TRPM8: variants seen among roughly 807,000 people sequenced by gnomAD.
The protein encoded by TRPM8 is transient receptor potential cation channel subfamily M member 8.
TRPM8 carries 110 observed loss-of-function variants against 133.7 expected under a neutral mutation model. The ratio of observed to expected loss-of-function variants is 0.82; its 90% CI spans 0.70 to 0.96. The LOEUF (loss-of-function observed/expected upper bound fraction) is 0.96. Among genes scored for constraint, TRPM8 ranks in the 40% least tolerant of loss-of-function variants. The pLI is 0.00. For missense variants in TRPM8, 1,291 were observed against 1,379.5 expected (o/e 0.94, Z 1.02); for synonymous variants, 535 against 532.3 (o/e 1.01, Z -0.07).
At chr2:233,943,198 G>A (rs1171862395) in intron 6 of TRPM8, among the ~76,000 whole-genome samples, 1 of 150,236 alleles carries the variant, frequency 6.7e-6, no homozygotes, top group African/African-American at 2.5e-5. Flanking sequence ...CCATGTTGGT[G>A]TGCTGCACCC....
intron 24 of TRPM8, among the ~76,000 whole-genome samples, chr2:234,008,997 A>C (rs566345228): frequency 5.3e-5 from 8 of 152,356 alleles, no homozygotes; most frequent in African/African-American, 1.7e-4. Flanking sequence ...TAAGCAGCTG[A>C]AATGAGGGGC....
chr2:233,997,816 G>A (rs1692447718), intron 22 of TRPM8, among the ~76,000 whole-genome samples: 1 of 152,060 alleles, frequency 6.6e-6, no homozygotes, highest in Admixed American at 6.5e-5. Context: ...CTTACAAACT[G>A]GGGTGCAGGC....
chr2:233,993,521 G>C (rs897563910), intron 21 of TRPM8, among the ~76,000 whole-genome samples: 2 of 152,202 alleles, frequency 1.3e-5, no homozygotes, highest in Non-Finnish European at 2.9e-5. Flanking sequence ...GTACCCACCT[G>C]CACCTCCCTG....
chr2:234,011,079 C>T (rs919286621), intron 24 of TRPM8, among the ~76,000 whole-genome samples: 1 of 152,158 alleles, frequency 6.6e-6, no homozygotes, highest in Non-Finnish European at 1.5e-5. Flanking sequence ...TTCCCCTATG[C>T]TTTCTTCTGG....
chr2:233,973,253 A>G (rs1014644955), intron 17 of TRPM8, among the ~76,000 whole-genome samples: 1 of 152,244 alleles, frequency 6.6e-6, no homozygotes, highest in Non-Finnish European at 1.5e-5. Flanking sequence ...ATGAAGCACC[A>G]TAGACCTCAT....
At chr2:233,979,987 C>G in intron 17 of TRPM8, 2 of 584,828 alleles carry the variant, frequency 3.4e-6, no homozygotes. Context: ...AAGAGCAGAA[C>G]AGCCAGTGTG....
chr2:233,980,379 A>C (rs187333077), intron 18 of TRPM8, 100 bp downstream of exon 18: 1 of 717,422 alleles, frequency 1.4e-6, no homozygotes, highest in East Asian at 2.8e-5. Flanking sequence ...TCTATTACTC[A>C]TTAGAGATTA....
At chr2:233,944,908 C>A (rs1400865984) in intron 6 of TRPM8, among the ~76,000 whole-genome samples, 1 of 152,014 alleles carries the variant, frequency 6.6e-6, no homozygotes, top group Non-Finnish European at 1.5e-5. Flanking sequence ...TACTACTATT[C>A]CCCCCTCATT....
rs1383536188 is a variant in TRPM8 at position 233,964,682 on chromosome 2, G to C, written c.1804G>C (p.Ala602Pro). ...LGASKLLKTL[A>P]KVKNDINAAG... ...AGCCAGCAAGCTTCTGAAGACTCTG[G>C]CCAAAGTGAAGAACGACATCAATGC... The change falls in exon 14 of 26, where the codon GCC (alanine) becomes CCC (proline). Residue 602 changes from alanine to proline, a missense_variant. By Grantham distance (27) the Ala-to-Pro change is conservative (BLOSUM62 -1). Around this residue, in one of 2 missense-constraint regions of TRPM8, gnomAD observed 963 missense variants for 968.9 expected, o/e 0.99. Transcript: ENST00000324695. The C allele has an allele frequency of 6.2e-7, 1 of 1,612,690 alleles. No homozygotes were observed. The highest frequency in any genetic ancestry group is 8.5e-7 in the Non-Finnish European group (1 of 1,179,062).
intron 22 of TRPM8, among the ~76,000 whole-genome samples, chr2:233,996,964 T>C (rs749191234): frequency 1.6e-4 from 25 of 152,196 alleles, no homozygotes; most frequent in Admixed American, 3.9e-4. Flanking sequence ...ATCATCTCAG[T>C]TTAGAAATAG....
At chr2:233,994,753 G>A (rs539116347) in intron 21 of TRPM8, among the ~76,000 whole-genome samples, 3 of 152,084 alleles carry the variant, frequency 2.0e-5, no homozygotes, top group Non-Finnish European at 2.9e-5. Flanking sequence ...ATGAGGTCTC[G>A]TAACATATGT....
intron 1 of TRPM8, among the ~76,000 whole-genome samples, chr2:233,920,588 A>G (rs576982658): frequency 1.1e-3 from 173 of 152,312 alleles, no homozygotes; most frequent in African/African-American, 3.9e-3. Flanking sequence ...AGCCAGGCTA[A>G]GTTTAGTGCT....
rs1416270180 is a variant in TRPM8 at position 234,019,513 on chromosome 2, G to A, written c.*2257G>A. ...GTGTGTTCATGAAATAAATAATGGA[G>A]GAATTGTCATGTGTTGCTTTTGTCA... On this transcript the variant is annotated 3_prime_UTR_variant, in exon 26 of 26. Coordinates refer to ENST00000324695, the MANE Select transcript of TRPM8 (RefSeq NM_024080.5). 1.3e-5 allele frequency: 2 copies of A among 152,102 alleles called. No individual in the cohort carries two copies. Among genetic ancestry groups the A allele is most frequent in the African/African-American group, 2.4e-5 (1 of 41,410 alleles). The allele number at this position is 152,102 out of a possible 1,614,324, so 9.4% of individuals were successfully genotyped here.
Position 234,007,931 on chromosome 2 carries a change from G to C in TRPM8, c.3231-139G>C, listed in dbSNP as rs867048411. 3.2e-5 allele frequency: 28 copies of C among 872,694 alleles called. No homozygotes were observed. In the African/African-American group the frequency reaches 4.1e-4, roughly 13 times the overall value. The allele number at this position is 872,694 out of a possible 1,614,324, so 54.1% of individuals were successfully genotyped here. On this transcript the variant is annotated intron_variant, in intron 23 of 25. Coordinates refer to ENST00000324695, the MANE Select transcript of TRPM8 (RefSeq NM_024080.5). The stretch of plus-strand genomic sequence containing the variant: ...GAAGAAAATCAGAAAGGTAAATGCA[G>C]CTGATTCTTGATTTAGCTAAGAGTG...
In TRPM8 at chr2:233,965,219, C is replaced by A. The variant is rs146307810; in HGVS notation, c.1879+462C>A. 1.1e-3 allele frequency among the ~76,000 whole-genome samples: 166 copies of A among 152,314 alleles called. 1 individual carries two copies. Among genetic ancestry groups the A allele is most frequent in the Non-Finnish European group, 1.9e-3 (131 of 68,018 alleles). On this transcript the variant is annotated intron_variant, in intron 14 of 25. Coordinates refer to ENST00000324695, the MANE Select transcript of TRPM8 (RefSeq NM_024080.5). ...CATGGTTTCTTACTCATGGCAAAAG[C>A]AGCAGCCTGAGTAGCATCTGGGATG...
intron 17 of TRPM8, among the ~76,000 whole-genome samples, chr2:233,979,350 C>G (rs536589667): frequency 6.6e-6 from 1 of 152,318 alleles, no homozygotes; most frequent in Non-Finnish European, 1.5e-5. Flanking sequence ...AGCATTGCAC[C>G]TAATCCAGTG....
intron 22 of TRPM8, among the ~76,000 whole-genome samples, chr2:234,005,323 G>A (rs796183427): frequency 2.6e-5 from 4 of 152,154 alleles, no homozygotes; most frequent in South Asian, 2.1e-4. Context: ...GTGAAAATGC[G>A]ATGTCATCAT....
chr2:233,971,566 G>A (rs1574742886), intron 17 of TRPM8, among the ~76,000 whole-genome samples: 2 of 152,216 alleles, frequency 1.3e-5, no homozygotes, highest in East Asian at 3.9e-4. Context: ...GAATTGGTGG[G>A]TTCTTGGTCT....
chr2:233,989,149 G>A lies in TRPM8; in HGVS notation c.2939+3284G>A, dbSNP rs1254685066. On this transcript the variant is annotated intron_variant, in intron 21 of 25. Coordinates refer to ENST00000324695, the MANE Select transcript of TRPM8 (RefSeq NM_024080.5). The surrounding 1 kb of genome is among the most constrained non-coding windows in gnomAD (Gnocchi z 4.2). ...TTGAATCTATGCACATGAGCTGTCT[G>A]AAGGAGCCATTCATGAGAACCGGGC... Among the ~76,000 whole-genome samples the A allele has an allele frequency of 2.0e-5, 3 of 152,346 alleles. No individual in the cohort carries two copies. The South Asian group carries it at 6.2e-4, about 32-fold the overall frequency.
Sources: allele counts gnomAD v4.1 joint callset (sites outside exome capture counted in the v4.1 genomes callset), GRCh38; gene constraint gnomAD v4.1.1; regional missense constraint gnomAD v4.1.1; non-coding constraint Gnocchi (gnomAD v3.1); transcripts MANE v1.5; gene names NCBI Gene and HGNC (gene_info 2026-07-23, HGNC 2026-07-21).